GLIPR1L1: variants seen among roughly 807,000 people sequenced by gnomAD.
The protein encoded by GLIPR1L1 is GLIPR1-like protein 1.
Under a neutral mutation model 29.9 loss-of-function variants are expected in GLIPR1L1, and 26 were observed. That is an observed-to-expected ratio of 0.87 (90% confidence interval 0.64 to 1.21). The LOEUF (loss-of-function observed/expected upper bound fraction) is 1.21. Among genes scored for constraint, GLIPR1L1 ranks in the 50% most tolerant of loss-of-function variants. The pLI is 0.00. For missense variants in GLIPR1L1, 305 were observed against 290.3 expected (o/e 1.05, Z -0.37); for synonymous variants, 77 against 97.5 (o/e 0.79, Z 1.24).
chr12:75,356,315 C>T (rs1465444768), intron 3 of GLIPR1L1, among the ~76,000 whole-genome samples: 1 of 151,954 alleles, frequency 6.6e-6, no homozygotes, highest in Non-Finnish European at 1.5e-5. Context: ...TTATAGATGA[C>T]TGGAGATGAT....
intron 1 of GLIPR1L1, among the ~76,000 whole-genome samples, chr12:75,336,038 T>C (rs2041713247): frequency 6.6e-6 from 1 of 151,944 alleles, no homozygotes; most frequent in African/African-American, 2.4e-5. Flanking sequence ...TTTATAATAA[T>C]GTAGAAACTA....
chr12:75,365,052 T>G (rs1651993297), intron 4 of GLIPR1L1: 1 of 152,142 alleles, frequency 6.6e-6, no homozygotes, highest in Admixed American at 6.6e-5. Context: ...GGATCTGAAC[T>G]AATTATATCC....
chr12:75,335,348 T>C (rs1340838522), intron 1 of GLIPR1L1, among the ~76,000 whole-genome samples: 2 of 152,208 alleles, frequency 1.3e-5, no homozygotes, highest in Non-Finnish European at 2.9e-5. Context: ...CAACACTTCA[T>C]GTGTAGTATT....
At chr12:75,358,901 TA>T (rs1429469053) in intron 3 of GLIPR1L1, among the ~76,000 whole-genome samples, 2 of 134,042 alleles carry the variant, frequency 1.5e-5, no homozygotes, top group Non-Finnish European at 3.3e-5. Context: ...TACATATAAT[TA>T]TATATTATAT....
chr12:75,347,708 C>G lies in GLIPR1L1; in HGVS notation c.507C>G (p.Cys169Trp), dbSNP rs1226035137. The part of the protein sequence containing the change: ...LGGASTAIFV[C>W]NYGPAGNFAN... ...GAGCTTCAACTGCAATATTTGTATG[C>G]AACTACGGACCTGCGTGAGTTATTT... Residue 169 changes from cysteine to tryptophan, a missense_variant, in exon 3 of 6, where the codon TGC becomes TGG. Cys to Trp is a radical substitution (Grantham distance 215, BLOSUM62 -2). Transcript: ENST00000378695. 6.3e-7 allele frequency: 1 copy of G among 1,594,902 alleles called. No homozygotes were observed. Among genetic ancestry groups the G allele is most frequent in the Middle Eastern group, 1.7e-4 (1 of 6,046 alleles).
chr12:75,338,447 G>A (rs533274409), intron 1 of GLIPR1L1, among the ~76,000 whole-genome samples: 1 of 152,134 alleles, frequency 6.6e-6, no homozygotes, highest in African/African-American at 2.4e-5. Flanking sequence ...AAAATTATAT[G>A]ATCATCTCAA....
At chr12:75,350,463 C>T (rs1199039750) in intron 3 of GLIPR1L1, among the ~76,000 whole-genome samples, 1 of 152,138 alleles carries the variant, frequency 6.6e-6, no homozygotes, top group Non-Finnish European at 1.5e-5. Context: ...CAGGTCAATG[C>T]CCCTCTGGGA....
At chr12:75,367,159 C>A in intron 4 of GLIPR1L1, 2 of 619,196 alleles carry the variant, frequency 3.2e-6, no homozygotes, top group Non-Finnish European at 5.8e-6. Context: ...AAATAGGGTA[C>A]CCAAAAGGCG....
chr12:75,369,854 C>A, intron 4 of GLIPR1L1, 106 bp from the exon 5 acceptor site: 1 of 1,332,114 alleles, frequency 7.5e-7, no homozygotes, highest in Non-Finnish European at 9.6e-7. Flanking sequence ...AAAAGTCAAA[C>A]TAATTTTTGT....
intron 1 of GLIPR1L1, among the ~76,000 whole-genome samples, chr12:75,341,738 G>C (rs1217029848): frequency 6.8e-6 from 1 of 146,280 alleles, no homozygotes; most frequent in Non-Finnish European, 1.5e-5. Context: ...GAGCCACCGC[G>C]CCCGGCCTCT....
In GLIPR1L1 at chr12:75,370,112, G is replaced by A. The variant is rs745613464; in HGVS notation, c.665G>A (p.Arg222Lys). ...AATCCATTTCTGAAGCCAACGGGGA[G>A]AGCACCTCAGCAGACAGCCTTTAAT... ...NQNPFLKPTG[R>K]APQQTAFNPF... The change falls in exon 6 of 6, where the codon AGA (arginine) becomes AAA (lysine). Residue 222 changes from arginine to lysine, a missense_variant. Transcript: ENST00000378695. The A allele has an allele frequency of 6.2e-7, 1 of 1,607,406 alleles. No homozygotes were observed. Among genetic ancestry groups the A allele is most frequent in the Admixed American group, 1.7e-5 (1 of 59,970 alleles).
At chr12:75,340,039 A>AC (rs2041997034) in intron 1 of GLIPR1L1, among the ~76,000 whole-genome samples, 1 of 152,048 alleles carries the variant, frequency 6.6e-6, no homozygotes, top group Non-Finnish European at 1.5e-5. Context: ...AATTAGAATA[A>AC]TGGTCTCCAA....
intron 1 of GLIPR1L1, among the ~76,000 whole-genome samples, chr12:75,338,236 G>C (rs11833128): frequency 6.6e-6 from 1 of 151,968 alleles, no homozygotes; most frequent in African/African-American, 2.4e-5. Flanking sequence ...CACATATAAA[G>C]AATATTATAT....
Position 75,349,782 on chromosome 12 carries a change from A to G in GLIPR1L1, c.521+2060A>G, listed in dbSNP as rs187872294. 5.9e-3 allele frequency among the ~76,000 whole-genome samples: 899 copies of G among 152,350 alleles called. 9 individuals carry two copies. The highest frequency in any genetic ancestry group is 7.5e-3 in the Non-Finnish European group (508 of 68,038). On this transcript the variant is annotated intron_variant, in intron 3 of 5. Transcript: ENST00000378695. ...CAGGAGTTCAAGACTGCAGTGAGCC[A>G]TGATTGCCTTGAGAAACAGAGCAAG...
chr12:75,339,970 T>C (rs1045858328), intron 1 of GLIPR1L1, among the ~76,000 whole-genome samples: 1 of 152,118 alleles, frequency 6.6e-6, no homozygotes, highest in African/African-American at 2.4e-5. Context: ...CCTCATAGCT[T>C]AGCTCCCACT....
intron 1 of GLIPR1L1, among the ~76,000 whole-genome samples, chr12:75,337,433 T>C (rs1252356713): frequency 6.6e-6 from 1 of 151,838 alleles, no homozygotes; most frequent in African/African-American, 2.4e-5. Context: ...CTCCACACAT[T>C]AAATGGATAG....
chr12:75,369,803 A>G, intron 4 of GLIPR1L1, 157 bp from the exon 5 acceptor site: 2 of 982,158 alleles, frequency 2.0e-6, no homozygotes, highest in Non-Finnish European at 2.4e-6. Flanking sequence ...AAGAGTTTTA[A>G]GTACTGTAGG....
chr12:75,343,821 G>A lies in GLIPR1L1; in HGVS notation c.303G>A (p.Trp101Ter). The A allele has an allele frequency of 1.2e-6, 2 of 1,613,354 alleles. No individual in the cohort carries two copies. Among genetic ancestry groups the A allele is most frequent in the South Asian group, 2.2e-5 (2 of 91,048 alleles). The change falls in exon 2 of 6, where the codon TGG (tryptophan) becomes TGA (stop). Residue 101 changes from tryptophan to a stop codon, truncating the protein, a stop_gained. Coordinates refer to ENST00000378695, the MANE Select transcript of GLIPR1L1 (RefSeq NM_001304964.2). LOFTEE classifies it high-confidence loss of function. ...AAFEYVGENI[W>*]LGGIKSFTPR... Reference sequence around the variant, plus strand: ...TTGAATATGTTGGAGAAAATATCTGGTTAGGTGGAATAAAGTCATTCACAC... The same window carrying A: ...TTGAATATGTTGGAGAAAATATCTGATTAGGTGGAATAAAGTCATTCACAC...
chr12:75,367,154 G>C (rs2044025295), intron 4 of GLIPR1L1: 6 of 625,084 alleles, frequency 9.6e-6, no homozygotes, highest in Non-Finnish European at 8.6e-6. Flanking sequence ...AAACCAAATA[G>C]GGTACCCAAA....
Sources: gnomAD v4.1 joint callset for allele counts (sites outside exome capture counted in the v4.1 genomes callset) on GRCh38, gnomAD v4.1.1 for gene constraint, MANE v1.5 for transcripts, NCBI Gene and HGNC (gene_info 2026-07-23, HGNC 2026-07-21) for gene names.